RREB1: variants seen among roughly 807,000 people sequenced by gnomAD.
The protein encoded by RREB1 is ras responsive element binding protein 1.
RREB1 carries 27 observed loss-of-function variants against 117.8 expected under a neutral mutation model. The observed-to-expected ratio is 0.23, with a 90% CI of 0.17 to 0.32. The LOEUF (loss-of-function observed/expected upper bound fraction) is 0.32, where lower values mean the gene tolerates loss of function less well. RREB1 is among the 10% of genes least tolerant of loss of function. The probability of loss-of-function intolerance (pLI) is 1.00; values close to 1 mark genes in which losing one functional copy is unlikely to be tolerated. For synonymous variants in RREB1, 1,298 were observed against 1,026.7 expected, an observed-to-expected ratio of 1.26 and a Z score of -5.05; for missense variants, 2,577 against 2,378.2, an observed-to-expected ratio of 1.08 and a Z score of -1.74.
chr6:7,206,434 C>T (rs184362645), intron 6 of RREB1, among the ~76,000 whole-genome samples: 8 of 152,306 alleles, frequency 5.3e-5, no homozygotes, highest in African/African-American at 1.9e-4. Context: ...TACTTCATTC[C>T]TTCCTTCCTT....
At chr6:7,189,895 ATTGT>A (rs1216210933) in intron 6 of RREB1, among the ~76,000 whole-genome samples, 3 of 152,168 alleles carry the variant, frequency 2.0e-5, no homozygotes, top group South Asian at 2.1e-4. Context: ...ACATATTAAA[ATTGT>A]TTGGGGTGAA....
chr6:7,231,071 G>T lies in RREB1; in HGVS notation c.2972G>T (p.Ser991Ile), dbSNP rs2113118454. Residue 991 changes from serine (S) to isoleucine (I), a missense_variant, in exon 10 of 13, where the codon AGC becomes ATC. By Grantham distance (142) the Ser-to-Ile change is moderately radical. Transcript: ENST00000379938. ...VTLGPSGILE[S>I]PMAPAPAATP... ...TTGGGGCCCAGCGGAATCCTGGAAA[G>T]CCCCATGGCCCCTGCTCCGGCGGCC... 1.2e-6 allele frequency: 2 copies of T among 1,613,434 alleles called. No homozygotes were observed. The highest frequency in any genetic ancestry group is 1.1e-5 in the South Asian group (1 of 91,076).
chr6:7,205,046 A>G (rs1581534980), intron 6 of RREB1, among the ~76,000 whole-genome samples: 1 of 152,216 alleles, frequency 6.6e-6, no homozygotes, highest in Middle Eastern at 3.2e-3. Flanking sequence ...TGAGTCTGGG[A>G]GATGTTTAAT....
At chr6:7,117,237 T>TA (rs1276933326) in intron 1 of RREB1, among the ~76,000 whole-genome samples, 1 of 152,030 alleles carries the variant, frequency 6.6e-6, no homozygotes, top group Non-Finnish European at 1.5e-5. Flanking sequence ...CACTTCAGTG[T>TA]AAAAAACAAA....
intron 1 of RREB1, among the ~76,000 whole-genome samples, chr6:7,147,970 T>C (rs1762948778): frequency 6.6e-6 from 1 of 152,286 alleles, no homozygotes; most frequent in East Asian, 1.9e-4. Context: ...CAATTACCAT[T>C]GTGGATATAG....
At position 7,210,826 on chromosome 6, in the gene RREB1, G is replaced by A; in HGVS notation, c.448G>A (p.Asp150Asn). Residue 150 changes from aspartate (D) to asparagine (N), a missense_variant, in exon 7 of 13, where the codon GAC (aspartate) becomes AAC (asparagine). Coordinates refer to ENST00000379938, the MANE Select transcript of RREB1 (RefSeq NM_001003699.4). ...MHRHMKIHEK[D>N]PNSATATAPP... ...CAGACATATGAAGATCCATGAGAAGGACCCTAACAGTGCCACAGCCACAGC... is the reference window on the plus strand; with the variant it reads ...CAGACATATGAAGATCCATGAGAAGAACCCTAACAGTGCCACAGCCACAGC... 6.2e-7 allele frequency: 1 copy of A among 1,613,862 alleles called. No individual in the cohort carries two copies. Among genetic ancestry groups the A allele is most frequent in the Non-Finnish European group, 8.5e-7 (1 of 1,179,828 alleles).
intron 1 of RREB1, among the ~76,000 whole-genome samples, chr6:7,139,932 G>A (rs1762489711): frequency 1.3e-5 from 2 of 152,254 alleles, no homozygotes; most frequent in South Asian, 4.1e-4. Flanking sequence ...ATTCCTATCA[G>A]GTTTAGTACA....
rs1006150269 is a variant in RREB1 at position 7,246,764 on chromosome 6, C to T, written c.4314C>T (p.Ala1438=). 1.9e-6 allele frequency: 3 copies of T among 1,559,204 alleles called. No individual in the cohort carries two copies. The highest frequency in any genetic ancestry group is 2.4e-5 in the East Asian group (1 of 41,672). Residue 1438 remains alanine (A), a synonymous_variant, in exon 12 of 13, where the codon GCC becomes GCT. Coordinates refer to ENST00000379938, the MANE Select transcript of RREB1 (RefSeq NM_001003699.4). ...KLAEGDGEAG[A]GGAASQEQKL... is the part of the protein sequence containing the mutation. ...CGGAGGGCGACGGCGAGGCAGGCGCCGGGGGCGCGGCCTCGCAGGAGCAGA... is the reference window on the plus strand; with the variant it reads ...CGGAGGGCGACGGCGAGGCAGGCGCTGGGGGCGCGGCCTCGCAGGAGCAGA...
chr6:7,192,302 C>A (rs1283252819), intron 6 of RREB1, among the ~76,000 whole-genome samples: 2 of 151,832 alleles, frequency 1.3e-5, no homozygotes, highest in African/African-American at 4.8e-5. Context: ...AAGTGATTCT[C>A]CTGCCTCAGC....
At chr6:7,117,388 G>GGT (rs1761449621) in intron 1 of RREB1, among the ~76,000 whole-genome samples, 1 of 63,292 alleles carries the variant, frequency 1.6e-5, no homozygotes, top group African/African-American at 6.8e-5. Context: ...TAGGTTTCCT[G>GGT]TTTTTTTTTT....
At chr6:7,242,707 G>GA (rs369036791) in intron 11 of RREB1, among the ~76,000 whole-genome samples, 1 of 151,374 alleles carries the variant, frequency 6.6e-6, no homozygotes, top group African/African-American at 2.4e-5. Flanking sequence ...AAAAGGGGGG[G>GA]GGGGAAGGAA....
chr6:7,226,536 A>G lies in RREB1; in HGVS notation c.777A>G (p.Lys259=). ...GLLRHNALVH[K]QLPRDAMGRP... is the part of the protein sequence containing the mutation. ...TGCGTCACAACGCGCTTGTCCACAA[A>G]CAACTTCCCAGGGATGCAATGGGCA... Residue 259 remains lysine, a synonymous_variant, in exon 9 of 13, where the codon AAA becomes AAG. Transcript: ENST00000379938. 2.5e-6 allele frequency: 4 copies of G among 1,614,154 alleles called. No homozygotes were observed. The highest frequency in any genetic ancestry group is 3.4e-6 in the Non-Finnish European group (4 of 1,180,018).
At chr6:7,219,934 G>T (rs1021292573) in intron 8 of RREB1, among the ~76,000 whole-genome samples, 1 of 152,182 alleles carries the variant, frequency 6.6e-6, no homozygotes, top group Non-Finnish European at 1.5e-5. Context: ...TTGATACTAA[G>T]GGAGGAAGGA....
At chr6:7,232,627 A>T (rs1206933944) in intron 10 of RREB1, among the ~76,000 whole-genome samples, 1 of 152,148 alleles carries the variant, frequency 6.6e-6, no homozygotes, top group Non-Finnish European at 1.5e-5. Context: ...CTTCTTCCTT[A>T]GCCCCCTACG....
chr6:7,249,093 GA>G lies in RREB1; in HGVS notation c.*126del, dbSNP rs1769292124. 1.3e-6 allele frequency: 1 copy of G among 758,714 alleles called. No homozygotes were observed. The highest frequency in any genetic ancestry group is 2.9e-5 in the East Asian group (1 of 34,904). The allele number at this position is 758,714 out of a possible 1,614,324, so 47.0% of individuals were successfully genotyped here. The stretch of plus-strand genomic sequence containing the variant: ...AGAGAGAGAGAGAGAGAGAGAGAGA[GA>G]GAGAGAGAGACAAGCAGGAGCGTGG... On this transcript the variant is annotated 3_prime_UTR_variant, in exon 13 of 13. Coordinates refer to ENST00000379938, the MANE Select transcript of RREB1 (RefSeq NM_001003699.4).
intron 1 of RREB1, among the ~76,000 whole-genome samples, chr6:7,164,296 C>G (rs753058568): frequency 1.2e-4 from 19 of 152,214 alleles, no homozygotes; most frequent in Non-Finnish European, 2.1e-4. Flanking sequence ...CACTGCCCAT[C>G]TCCTTTCCCC....
Position 7,210,952 on chromosome 6 carries a change from C to T in RREB1, c.570+4C>T. 6.2e-7 allele frequency: 1 copy of T among 1,612,730 alleles called. No homozygotes were observed. Among genetic ancestry groups the T allele is most frequent in the Non-Finnish European group, 8.5e-7 (1 of 1,179,360 alleles). ...AGACCCAGCACCAGCTAAAAAGGTC[C>T]TCTTGGCTCCCAGTGCAGATTCACC... On this transcript the variant is annotated splice_donor_region_variant and intron_variant, in intron 7 of 12. Transcript: ENST00000379938.
At position 7,230,423 on chromosome 6, in the gene RREB1, A is replaced by C. The variant is rs765523041; in HGVS notation, c.2324A>C (p.His775Pro). Residue 775 changes from histidine to proline, a missense_variant, in exon 10 of 13, where the codon CAC (histidine) becomes CCC (proline). His to Pro is a moderately conservative substitution (Grantham distance 77). Transcript: ENST00000379938. ...YRALRIHMRT[H>P]CGRGLGGGHK... is the part of the protein sequence containing the mutation. ...GCCCTGCGCATCCACATGCGCACGC[A>C]CTGCGGCCGCGGCCTGGGCGGGGGC... The C allele has an allele frequency of 1.3e-6, 2 of 1,591,042 alleles. No individual in the cohort carries two copies. Among genetic ancestry groups the C allele is most frequent in the Non-Finnish European group, 1.7e-6 (2 of 1,174,492 alleles).
rs200626583 is a variant in RREB1, at chr6:7,229,544, C to T, written c.1445C>T (p.Pro482Leu). The T allele has an allele frequency of 1.1e-4, 176 of 1,613,936 alleles. No homozygotes were observed. Among genetic ancestry groups the T allele is most frequent in the Non-Finnish European group, 1.4e-4 (169 of 1,180,008 alleles). ...CTGAAGATGGCAGCCTCGGCTCCCCCTCAGATCAGTCTTCCGCCCTTCTCC... is the reference window on the plus strand; with the variant it reads ...CTGAAGATGGCAGCCTCGGCTCCCCTTCAGATCAGTCTTCCGCCCTTCTCC... ...QILKMAASAP[P>L]QISLPPFSKA... The change falls in exon 10 of 13, where the codon CCT (proline) becomes CTT (leucine). Residue 482 changes from proline to leucine, a missense_variant. Transcript: ENST00000379938. This position sits in a 1 kb window ranked among gnomAD's most constrained non-coding sequence, Gnocchi z 4.5.
Sources: gnomAD v4.1 joint callset for allele counts (sites outside exome capture counted in the v4.1 genomes callset) on GRCh38, gnomAD v4.1.1 for gene constraint, Gnocchi (gnomAD v3.1) non-coding constraint, MANE v1.5 for transcripts, NCBI Gene and HGNC (gene_info 2026-07-23, HGNC 2026-07-21) for gene names.